Variants in NID1 observed in about 807,000 individuals in gnomAD.
The protein encoded by NID1 is nidogen-1.
In NID1, 76 loss-of-function variants were observed where a neutral mutation model predicts 130.6. The ratio of observed to expected loss-of-function variants is 0.58; its 90% CI spans 0.48 to 0.70. The LOEUF (loss-of-function observed/expected upper bound fraction) is 0.70. Ranked by LOEUF, NID1 falls within the 30% of genes least tolerant of loss-of-function variation. The pLI, the probability that NID1 is intolerant of heterozygous loss-of-function variation, is 0.00. For missense variants in NID1, 1,517 were observed against 1,664.8 expected (o/e 0.91, Z 1.54); for synonymous variants, 665 against 675.1 (o/e 0.98, Z 0.23).
At chr1:236,027,404 C>T (rs1003725958) in intron 7 of NID1, among the ~76,000 whole-genome samples, 4 of 152,206 alleles carry the variant, frequency 2.6e-5, no homozygotes, top group African/African-American at 4.8e-5. Flanking sequence ...AGCTACAAGC[C>T]GGCCGCAACT....
At chr1:236,021,072 C>A (rs1301691864) in intron 9 of NID1, among the ~76,000 whole-genome samples, 1 of 152,186 alleles carries the variant, frequency 6.6e-6, no homozygotes, top group Non-Finnish European at 1.5e-5. Context: ...TATTACTATC[C>A]AGGAGGCTTA....
intron 15 of NID1, among the ~76,000 whole-genome samples, chr1:235,984,289 T>C (rs1185265531): frequency 6.6e-6 from 1 of 152,192 alleles, no homozygotes; most frequent in Non-Finnish European, 1.5e-5. Flanking sequence ...GAAGACATGA[T>C]TTAAATAGCC....
At chr1:236,050,811 C>T (rs550594619) in intron 1 of NID1, among the ~76,000 whole-genome samples, 13 of 152,206 alleles carry the variant, frequency 8.5e-5, no homozygotes, top group Non-Finnish European at 1.9e-4. Context: ...GGTGCAGAGG[C>T]TCACGCCTGT....
intron 9 of NID1, 93 bp downstream of exon 9, chr1:236,023,977 C>T (rs1017746825): frequency 6.6e-7 from 1 of 1,523,656 alleles, no homozygotes; most frequent in Middle Eastern, 2.4e-4. Flanking sequence ...ATCCGTGCTT[C>T]CTTGCTGCAC....
intron 1 of NID1, among the ~76,000 whole-genome samples, chr1:236,056,534 T>C (rs1249488888): frequency 6.6e-6 from 1 of 152,248 alleles, no homozygotes; most frequent in East Asian, 1.9e-4. Flanking sequence ...ATATACAATA[T>C]TGGTTAACTA....
rs1558428600 is a variant in NID1 at position 236,003,103 on chromosome 1, G to GAGTAGTAGTTGTC, written c.2527+8817_2527+8818insGACAACTACTACT. Among the ~76,000 whole-genome samples, 153 of 149,708 alleles carry GAGTAGTAGTTGTC rather than the reference G, an allele frequency of 1.0e-3. 7 individuals are homozygous for GAGTAGTAGTTGTC. Among genetic ancestry groups the GAGTAGTAGTTGTC allele is most frequent in the African/African-American group, 1.7e-3 (71 of 40,734 alleles). On this transcript the variant is annotated intron_variant, in intron 12 of 19. Coordinates refer to ENST00000264187, the MANE Select transcript of NID1 (RefSeq NM_002508.3). Reference sequence around the variant, plus strand: ...GTGGTAGTTGTCACTCCTAGTGAACGACTGGTAGTTGTCACTCCTAGTGAA... The same window carrying GAGTAGTAGTTGTC: ...GTGGTAGTTGTCACTCCTAGTGAACGAGTAGTAGTTGTCACTGGTAGTTGTCACTCCTAGTGAA...
At chr1:236,024,787 C>A (rs1658872411) in intron 8 of NID1, among the ~76,000 whole-genome samples, 1 of 152,178 alleles carries the variant, frequency 6.6e-6, no homozygotes. Flanking sequence ...AAGTCTGACA[C>A]TGGTATGTCA....
chr1:236,013,626 C>T, intron 10 of NID1, 66 bp from the exon 11 acceptor site: 2 of 1,591,028 alleles, frequency 1.3e-6, no homozygotes, highest in Non-Finnish European at 1.7e-6. Context: ...ACATGCCCCT[C>T]CCAGCTCTAT....
intron 12 of NID1, among the ~76,000 whole-genome samples, chr1:236,008,479 T>C (rs900072603): frequency 1.3e-5 from 2 of 152,164 alleles, no homozygotes; most frequent in Admixed American, 6.5e-5. Context: ...TTTCTCTGTG[T>C]AATGTTTCAT....
rs144038135 is a variant in NID1 at position 235,979,497 on chromosome 1, G to C, written c.3509+325C>G. On this transcript the variant is annotated intron_variant, in intron 18 of 19. Transcript: ENST00000264187. This position sits in a 1 kb window ranked among gnomAD's most constrained non-coding sequence, Gnocchi z 4.6. ...ACATGAAGTGGACATGGAGCCCACC[G>C]GCCACGTGACCCTGGGCCAACTCCT... Among the ~76,000 whole-genome samples, 20 of 152,276 alleles carry C rather than the reference G, an allele frequency of 1.3e-4. 1 individual carries two copies. The East Asian group carries it at 3.7e-3, about 28-fold the overall frequency.
rs775235992 is a variant in NID1 at position 236,017,101 on chromosome 1, T to G, written c.2254+47A>C. 32 of 1,612,568 alleles carry G rather than the reference T, an allele frequency of 2.0e-5. No homozygotes were observed. The Admixed American group carries it at 5.3e-4, about 27-fold the overall frequency. On this transcript the variant is annotated intron_variant, in intron 10 of 19. Transcript: ENST00000264187. ...ACCAGAACTTTTGCATAAGAGCTAA[T>G]GCACACCATGTGAATACTGTTTCGA...
rs141398569 is a variant in NID1, at chr1:236,024,209, G to A, written c.1989C>T (p.Gly663=). 7.7e-5 allele frequency: 125 copies of A among 1,614,110 alleles called. 1 individual carries two copies. The highest frequency in any genetic ancestry group is 9.2e-5 in the Non-Finnish European group (109 of 1,180,048). Residue 663 remains glycine, a synonymous_variant, in exon 9 of 20, where the codon GGC becomes GGT. Transcript: ENST00000264187. ...LSNSIGPVRE[G]SPDALQNPCY... is the part of the protein sequence containing the mutation. ...AGGGATTCTGAAGAGCATCAGGGGA[G>A]CCTTCTGTGAAGACAGAGACATTGG...
intron 7 of NID1, among the ~76,000 whole-genome samples, chr1:236,028,457 G>A (rs761867407): frequency 3.9e-5 from 6 of 152,112 alleles, no homozygotes; most frequent in Non-Finnish European, 7.4e-5. Context: ...GCAGTGAGCC[G>A]AGACTGCACC....
chr1:235,987,999 A>G (rs1473147010), intron 14 of NID1, among the ~76,000 whole-genome samples: 1 of 152,236 alleles, frequency 6.6e-6, no homozygotes, highest in East Asian at 1.9e-4. Flanking sequence ...TTTCTTGGAT[A>G]TGATACCAAA....
At chr1:236,020,065 C>CA (rs1421457779) in intron 9 of NID1, among the ~76,000 whole-genome samples, 3 of 107,722 alleles carry the variant, frequency 2.8e-5, no homozygotes, top group Non-Finnish European at 3.6e-5. Context: ...AAAACAAAAA[C>CA]AAACTTCTTT....
chr1:236,063,259 G>A (rs1474807917), intron 1 of NID1, among the ~76,000 whole-genome samples: 3 of 151,712 alleles, frequency 2.0e-5, no homozygotes, highest in Non-Finnish European at 4.4e-5. Context: ...ATCATCTGAG[G>A]TCAGGAGTTC....
intron 12 of NID1, among the ~76,000 whole-genome samples, chr1:235,999,210 A>G (rs1658010324): frequency 6.6e-6 from 1 of 152,250 alleles, no homozygotes; most frequent in Admixed American, 6.5e-5. Flanking sequence ...TGTGCTGTCA[A>G]CCAAACAAAA....
chr1:235,975,840 TA>T lies in NID1; in HGVS notation c.*2026del, dbSNP rs1020843677. ...AAAGATAGAGGAAGATTTTCTTTTT[TA>T]AAAAAAGTTTATTTTCCACACTATT... On this transcript the variant is annotated 3_prime_UTR_variant, in exon 20 of 20. Coordinates refer to ENST00000264187, the MANE Select transcript of NID1 (RefSeq NM_002508.3). 6.6e-6 allele frequency: 1 copy of T among 152,554 alleles called. No homozygotes were observed. Among genetic ancestry groups the T allele is most frequent in the African/African-American group, 2.4e-5 (1 of 41,434 alleles). The allele number at this position is 152,554 out of a possible 1,614,324, so 9.5% of individuals were successfully genotyped here.
intron 1 of NID1, among the ~76,000 whole-genome samples, chr1:236,057,646 C>CG (rs1659931518): frequency 6.9e-6 from 1 of 145,750 alleles, no homozygotes; most frequent in Admixed American, 7.0e-5. Context: ...TGCAGTGAGC[C>CG]GAAATCTCGC....
Sources: allele counts gnomAD v4.1 joint callset (sites outside exome capture counted in the v4.1 genomes callset), GRCh38; gene constraint gnomAD v4.1.1; non-coding constraint Gnocchi (gnomAD v3.1); transcripts MANE v1.5; gene names NCBI Gene and HGNC (gene_info 2026-07-23, HGNC 2026-07-21).